The following PCOLCE2 variants were observed in gnomAD, a reference collection of about 807,000 sequenced individuals.
PCOLCE2 encodes the protein procollagen C-endopeptidase enhancer 2, also known as procollagen C-proteinase enhancer 2.
In PCOLCE2, 42 loss-of-function variants were observed where a neutral mutation model predicts 47.0. That is an observed-to-expected ratio of 0.89 (90% CI 0.70 to 1.16). PCOLCE2 has a LOEUF of 1.16. Among genes scored for constraint, PCOLCE2 ranks in the 50% most tolerant of loss-of-function variants. The pLI is 0.00. For synonymous variants in PCOLCE2, 169 were observed against 191.7 expected (o/e 0.88, Z 0.98); for missense variants, 500 against 526.1 (o/e 0.95, Z 0.49).
At chr3:142,870,027 C>G (rs1245723473) in intron 2 of PCOLCE2, among the ~76,000 whole-genome samples, 1 of 152,180 alleles carries the variant, frequency 6.6e-6, no homozygotes, top group African/African-American at 2.4e-5. Context: ...ACCATGCTAT[C>G]TTAAAATTAA....
Position 142,818,321 on chromosome 3 carries a change from G to A in PCOLCE2, c.*14C>T, listed in dbSNP as rs1474363157. On this transcript the variant is annotated 3_prime_UTR_variant, in exon 9 of 9. Transcript: ENST00000295992. ...GCAATGGCAGAATACAGCTTAAATGGACACAGTTCACTGTTAACATTGCTT... is the reference window on the plus strand; with the variant it reads ...GCAATGGCAGAATACAGCTTAAATGAACACAGTTCACTGTTAACATTGCTT... The A allele has an allele frequency of 2.7e-5, 43 of 1,611,450 alleles. No individual in the cohort carries two copies. Among genetic ancestry groups the A allele is most frequent in the Non-Finnish European group, 3.7e-5 (43 of 1,178,004 alleles).
At chr3:142,853,660 G>A (rs1408006936) in intron 2 of PCOLCE2, among the ~76,000 whole-genome samples, 1 of 152,096 alleles carries the variant, frequency 6.6e-6, no homozygotes, top group East Asian at 1.9e-4. Context: ...AGCTCCAAAA[G>A]GCCACTCTCT....
chr3:142,841,639 A>G (rs2108193801), intron 4 of PCOLCE2, among the ~76,000 whole-genome samples: 1 of 152,286 alleles, frequency 6.6e-6, no homozygotes, highest in Non-Finnish European at 1.5e-5. Flanking sequence ...AAATAAAACC[A>G]AGTTTTGGAA....
chr3:142,819,806 C>T (rs756812185), intron 8 of PCOLCE2, among the ~76,000 whole-genome samples: 1 of 152,040 alleles, frequency 6.6e-6, no homozygotes, highest in South Asian at 2.1e-4. Flanking sequence ...CCACCACACC[C>T]GGCTAAATTT....
chr3:142,883,657 G>A (rs1933668461), intron 2 of PCOLCE2, among the ~76,000 whole-genome samples: 1 of 150,416 alleles, frequency 6.6e-6, no homozygotes. Context: ...TACCTCAGGT[G>A]ATCCACCTGC....
At chr3:142,859,927 A>T (rs1355880856) in intron 2 of PCOLCE2, among the ~76,000 whole-genome samples, 2 of 152,258 alleles carry the variant, frequency 1.3e-5, no homozygotes, top group Non-Finnish European at 2.9e-5. Context: ...AAGAAAGCAC[A>T]TTTAAAACAG....
At chr3:142,871,555 C>T (rs931945944) in intron 2 of PCOLCE2, among the ~76,000 whole-genome samples, 1 of 152,178 alleles carries the variant, frequency 6.6e-6, no homozygotes, top group Non-Finnish European at 1.5e-5. Context: ...ACAATCAGTT[C>T]ACCTTAAGAG....
chr3:142,858,571 G>T (rs1447760859), intron 2 of PCOLCE2, among the ~76,000 whole-genome samples: 5 of 152,188 alleles, frequency 3.3e-5, no homozygotes, highest in Non-Finnish European at 7.3e-5. Context: ...AACTCCAAGG[G>T]TTCATGTGAC....
chr3:142,888,745 A>G, intron 1 of PCOLCE2, 69 bp downstream of exon 1: 1 of 951,418 alleles, frequency 1.1e-6, no homozygotes, highest in Non-Finnish European at 1.5e-6. Flanking sequence ...TGAGTAAAGC[A>G]GCAGGCGAGG....
rs752721834 is a variant in PCOLCE2 at position 142,848,420 on chromosome 3, C to G, written c.245G>C (p.Ser82Thr). ...AAAGTCATAGCGGCACAGGTTGTCA[C>G]TCTCGAGGTCTATGAATCGGAAATT... Reference protein sequence around the residue: ...VLNFRFIDLESDNLCRYDFVD... With the variant: ...VLNFRFIDLETDNLCRYDFVD... Residue 82 changes from serine (S) to threonine (T), a missense_variant, in exon 3 of 9, where the codon AGT becomes ACT. By Grantham distance (58) the Ser-to-Thr change is moderately conservative. Coordinates refer to ENST00000295992, the MANE Select transcript of PCOLCE2 (RefSeq NM_013363.4). 5.6e-6 allele frequency: 9 copies of G among 1,609,136 alleles called. No individual in the cohort carries two copies. The highest frequency in any genetic ancestry group is 1.3e-5 in the African/African-American group (1 of 74,880).
At chr3:142,888,600 G>C in intron 1 of PCOLCE2, 1 of 415,106 alleles carries the variant, frequency 2.4e-6, no homozygotes, top group Non-Finnish European at 4.3e-6. Flanking sequence ...GCCGGGCTGG[G>C]GACCCAGGAG....
chr3:142,824,920 G>A (rs1370803328), intron 6 of PCOLCE2, among the ~76,000 whole-genome samples: 4 of 152,128 alleles, frequency 2.6e-5, no homozygotes, highest in Admixed American at 6.5e-5. Context: ...AAGCCACCGC[G>A]CCCAGCCTAT....
At chr3:142,849,194 G>A (rs1279402163) in intron 2 of PCOLCE2, among the ~76,000 whole-genome samples, 1 of 151,994 alleles carries the variant, frequency 6.6e-6, no homozygotes, top group Non-Finnish European at 1.5e-5. Context: ...ACAGTAGGAC[G>A]CATTCAATGC....
intron 2 of PCOLCE2, among the ~76,000 whole-genome samples, chr3:142,873,789 T>C (rs1157323309): frequency 6.6e-6 from 1 of 152,140 alleles, no homozygotes; most frequent in Non-Finnish European, 1.5e-5. Flanking sequence ...AAGAGAATCA[T>C]ATGGTGAGAG....
chr3:142,851,041 A>G (rs1362182577), intron 2 of PCOLCE2, among the ~76,000 whole-genome samples: 1 of 152,180 alleles, frequency 6.6e-6, no homozygotes, highest in Non-Finnish European at 1.5e-5. Context: ...CCAATGACAG[A>G]AGGGAAGACA....
At chr3:142,870,577 T>C (rs996904550) in intron 2 of PCOLCE2, among the ~76,000 whole-genome samples, 9 of 152,260 alleles carry the variant, frequency 5.9e-5, no homozygotes, top group Middle Eastern at 3.4e-3. Flanking sequence ...CAATGTAAAA[T>C]TGTGGCATTT....
intron 2 of PCOLCE2, among the ~76,000 whole-genome samples, chr3:142,883,881 G>A (rs1015262570): frequency 2.6e-5 from 4 of 152,166 alleles, no homozygotes; most frequent in African/African-American, 9.6e-5. Flanking sequence ...TTTATGCCAG[G>A]GGTGCCTGTG....
rs187870485 is a variant in PCOLCE2 at position 142,860,411 on chromosome 3, C to T, written c.193-11939G>A. On this transcript the variant is annotated intron_variant, in intron 2 of 8. Transcript: ENST00000295992. ...ATATTTTTTTTCATTTTTCCTAAAG[C>T]TAATAATTGCCTTTTTGTTGTTGTT... is the stretch of plus-strand genomic sequence containing the variant. 3.6e-4 allele frequency among the ~76,000 whole-genome samples: 55 copies of T among 151,208 alleles called. 1 individual carries two copies. Among genetic ancestry groups the T allele is most frequent in the Middle Eastern group, 3.4e-3 (1 of 294 alleles).
At chr3:142,875,091 T>G (rs1933470086) in intron 2 of PCOLCE2, among the ~76,000 whole-genome samples, 1 of 152,194 alleles carries the variant, frequency 6.6e-6, no homozygotes, top group African/African-American at 2.4e-5. Flanking sequence ...GGGCATAAAA[T>G]AAGTTCATTA....
Sources: gnomAD v4.1 joint callset for allele counts (sites outside exome capture counted in the v4.1 genomes callset) on GRCh38, gnomAD v4.1.1 for gene constraint, MANE v1.5 for transcripts, NCBI Gene and HGNC (gene_info 2026-07-23, HGNC 2026-07-21) for gene names.